Variants in NTRK3 observed in about 807,000 individuals in gnomAD.
NTRK3 encodes NT-3 growth factor receptor.
NTRK3 carries 24 observed loss-of-function variants against 91.7 expected under a neutral mutation model. The ratio of observed to expected loss-of-function variants is 0.26; its 90% CI spans 0.19 to 0.37. The LOEUF is 0.37. Among genes scored for constraint, NTRK3 ranks in the 10% least tolerant of loss-of-function variants. The probability of loss-of-function intolerance (pLI) is 1.00; values close to 1 mark genes in which losing one functional copy is unlikely to be tolerated. For synonymous variants in NTRK3, 483 were observed against 404.0 expected (o/e 1.20, Z -2.34); for missense variants, 880 against 1,068.9 (o/e 0.82, Z 2.46).
chr15:88,030,381 G>A (rs1253986308), intron 14 of NTRK3, among the ~76,000 whole-genome samples: 6 of 152,132 alleles, frequency 3.9e-5, no homozygotes, highest in African/African-American at 1.4e-4. Flanking sequence ...AGGCCCCATA[G>A]CTCTCTCCAT....
intron 3 of NTRK3, among the ~76,000 whole-genome samples, chr15:88,185,735 C>T (rs2046889809): frequency 1.3e-5 from 2 of 152,188 alleles, no homozygotes; most frequent in African/African-American, 4.8e-5. Context: ...CCCCAGACAT[C>T]TCCTCCCCAG....
At chr15:88,114,689 T>C (rs1382851042) in intron 13 of NTRK3, among the ~76,000 whole-genome samples, 4 of 152,216 alleles carry the variant, frequency 2.6e-5, no homozygotes, top group Non-Finnish European at 4.4e-5. Context: ...TGCATAAGCC[T>C]TGACTATCTC....
intron 3 of NTRK3, among the ~76,000 whole-genome samples, chr15:88,246,487 G>A (rs1205842071): frequency 6.6e-6 from 1 of 152,172 alleles, no homozygotes; most frequent in African/African-American, 2.4e-5. Flanking sequence ...TTCAGCCAGG[G>A]CATCAGACAG....
At chr15:88,040,426 G>T (rs1567275671) in intron 13 of NTRK3, among the ~76,000 whole-genome samples, 1 of 152,146 alleles carries the variant, frequency 6.6e-6, no homozygotes, top group East Asian at 1.9e-4. Context: ...GGTTCATAAT[G>T]CAGAAAGAGA....
At chr15:87,871,490 G>A (rs1336437611) in exon 19 of NTRK3, 2 of 230,572 alleles carry the variant, frequency 8.7e-6, no homozygotes, top group African/African-American at 4.4e-5. Context: ...CTGCAGTGCT[G>A]GTGGCGTCTA....
intron 14 of NTRK3, among the ~76,000 whole-genome samples, chr15:88,030,530 G>A (rs1198355627): frequency 6.6e-6 from 1 of 152,172 alleles, no homozygotes; most frequent in African/African-American, 2.4e-5. Context: ...ATGATCACGA[G>A]ATCATATTCT....
intron 3 of NTRK3, chr15:88,253,250 G>C (rs1303588564): frequency 6.6e-6 from 1 of 152,212 alleles, no homozygotes; most frequent in African/African-American, 2.4e-5. Flanking sequence ...TCTCCAGCAA[G>C]GCACGGGCTT....
chr15:88,028,357 A>T (rs552790018), intron 14 of NTRK3, among the ~76,000 whole-genome samples: 28 of 152,324 alleles, frequency 1.8e-4, no homozygotes, highest in African/African-American at 6.5e-4. Context: ...TTAAATAGAC[A>T]AAAGGGGAAA....
intron 13 of NTRK3, among the ~76,000 whole-genome samples, chr15:88,058,870 C>A (rs1429606913): frequency 1.3e-5 from 2 of 152,062 alleles, no homozygotes. Flanking sequence ...AAAGGGAGGA[C>A]CTAGTTGTCA....
At chr15:88,232,791 T>C (rs1445904467) in intron 3 of NTRK3, among the ~76,000 whole-genome samples, 1 of 152,184 alleles carries the variant, frequency 6.6e-6, no homozygotes, top group East Asian at 1.9e-4. Flanking sequence ...AGGCCTTCAG[T>C]GACAACATAA....
chr15:87,984,014 C>T (rs567488014), intron 14 of NTRK3, among the ~76,000 whole-genome samples: 34 of 152,220 alleles, frequency 2.2e-4, no homozygotes, highest in African/African-American at 7.9e-4. Context: ...ATAAGGAAAC[C>T]CAAACTCTGT....
chr15:88,199,203 C>T (rs1039003388), intron 3 of NTRK3, among the ~76,000 whole-genome samples: 2 of 152,058 alleles, frequency 1.3e-5, no homozygotes, highest in South Asian at 4.1e-4. Context: ...AATATTTACC[C>T]TTTATTATGG....
intron 13 of NTRK3, among the ~76,000 whole-genome samples, chr15:88,109,829 G>C (rs1234718760): frequency 6.6e-6 from 1 of 152,122 alleles, no homozygotes; most frequent in Non-Finnish European, 1.5e-5. Flanking sequence ...CCAAGTGTAT[G>C]AACCACAGCC....
At chr15:88,151,572 C>T (rs1206900654) in intron 5 of NTRK3, among the ~76,000 whole-genome samples, 1 of 152,216 alleles carries the variant, frequency 6.6e-6, no homozygotes, top group Non-Finnish European at 1.5e-5. Context: ...ATCTTCTACC[C>T]TGGGAAACCT....
chr15:87,994,179 C>T (rs28584249), intron 14 of NTRK3, among the ~76,000 whole-genome samples: 2 of 151,872 alleles, frequency 1.3e-5, no homozygotes, highest in African/African-American at 2.4e-5. Flanking sequence ...GGCTGGGGAG[C>T]GGGAGACATT....
In NTRK3 at chr15:88,102,496, A is replaced by G. The variant is rs527393248; in HGVS notation, c.1396+23775T>C. Among the ~76,000 whole-genome samples the G allele has an allele frequency of 7.2e-5, 11 of 152,306 alleles. No individual in the cohort carries two copies. In the East Asian group the frequency reaches 1.7e-3, roughly 24 times the overall value. On this transcript the variant is annotated intron_variant, in intron 13 of 18. Transcript: ENST00000394480. ...TTTATTACCTGTTTCAAAATCACTA[A>G]AAGAGTGGAACTGGAATGTTCCTAA...
intron 3 of NTRK3, among the ~76,000 whole-genome samples, chr15:88,239,674 AC>A (rs1226742566): frequency 6.6e-6 from 1 of 152,118 alleles, no homozygotes; most frequent in East Asian, 1.9e-4. Context: ...CAGACAGAGA[AC>A]CAAGCACCAG....
intron 3 of NTRK3, among the ~76,000 whole-genome samples, chr15:88,225,548 A>C (rs2141640440): frequency 6.6e-6 from 1 of 152,272 alleles, no homozygotes; most frequent in South Asian, 2.1e-4. Context: ...GAGATGAAGA[A>C]GAGAGACAAG....
intron 15 of NTRK3, 75 bp from the exon 16 acceptor site, chr15:87,933,259 C>A: frequency 6.9e-7 from 1 of 1,441,662 alleles, no homozygotes. Context: ...TGGAAAGAAA[C>A]TGGCCCCACA....
Sources: gnomAD v4.1 joint callset for allele counts (sites outside exome capture counted in the v4.1 genomes callset) on GRCh38, gnomAD v4.1.1 for gene constraint, MANE v1.5 for transcripts, NCBI Gene and HGNC (gene_info 2026-07-23, HGNC 2026-07-21) for gene names.